AUTS2: variants seen among roughly 807,000 people sequenced by gnomAD.
AUTS2 encodes autism susceptibility gene 2 protein.
In AUTS2, 17 loss-of-function variants were observed where a neutral mutation model predicts 112.4. That is an observed-to-expected ratio of 0.15 (90% confidence interval 0.10 to 0.23). AUTS2 has a LOEUF of 0.23. Ranked by LOEUF, AUTS2 falls within the 10% of genes least tolerant of loss-of-function variation. AUTS2 has a pLI of 1.00. For synonymous variants in AUTS2, 751 were observed against 702.7 expected, an observed-to-expected ratio of 1.07 and a Z score of -1.09; for missense variants, 1,510 against 1,701.6, an observed-to-expected ratio of 0.89 and a Z score of 1.98.
rs1809267743 is a variant in AUTS2 at position 70,698,582 on chromosome 7, G to C, written c.704G>C (p.Ser235Thr). 7 of 1,606,592 alleles carry C rather than the reference G, an allele frequency of 4.4e-6. No individual in the cohort carries two copies. Among genetic ancestry groups the C allele is most frequent in the Non-Finnish European group, 5.9e-6 (7 of 1,176,528 alleles). ...SDQEEKASDA[S>T]SEKLFNTVIV... is the part of the protein sequence containing the mutation. The stretch of plus-strand genomic sequence containing the variant: ...CTTGTTTTTCAGGCATCAGATGCCA[G>C]CTCTGAAAAACTCTTCAACACTGTT... Residue 235 changes from serine (S) to threonine (T), a missense_variant, in exon 6 of 19, where the codon AGC becomes ACC. Around this residue, in one of 3 missense-constraint regions of AUTS2, gnomAD observed 535 missense variants for 594.3 expected, o/e 0.90. Transcript: ENST00000342771.
At chr7:69,604,260 A>G (rs1294058954) in intron 1 of AUTS2, among the ~76,000 whole-genome samples, 1 of 152,228 alleles carries the variant, frequency 6.6e-6, no homozygotes, top group Non-Finnish European at 1.5e-5. Flanking sequence ...CCATGTTAAT[A>G]GGCTCTCACA....
At chr7:69,804,003 G>A (rs1790194693) in intron 1 of AUTS2, among the ~76,000 whole-genome samples, 1 of 152,186 alleles carries the variant, frequency 6.6e-6, no homozygotes, top group African/African-American at 2.4e-5. Context: ...CAGCACTCTA[G>A]CCTGGGTGAC....
intron 1 of AUTS2, among the ~76,000 whole-genome samples, chr7:69,626,403 T>C (rs1371120539): frequency 6.6e-6 from 1 of 152,208 alleles, no homozygotes; most frequent in African/African-American, 2.4e-5. Flanking sequence ...GGTTGCCGTG[T>C]CCACAGTCCC....
chr7:70,395,000 A>G (rs1794019561), intron 4 of AUTS2, among the ~76,000 whole-genome samples: 1 of 152,210 alleles, frequency 6.6e-6, no homozygotes, highest in Non-Finnish European at 1.5e-5. Flanking sequence ...ATATGCTTTC[A>G]TTTAATCATT....
chr7:70,617,136 T>C lies in AUTS2; in HGVS notation c.691-81433T>C, dbSNP rs375242619. Among the ~76,000 whole-genome samples, 5 of 152,288 alleles carry C rather than the reference T, an allele frequency of 3.3e-5. No individual in the cohort carries two copies. In the East Asian group the frequency reaches 7.7e-4, roughly 24 times the overall value. ...GCTCAGTGGGGTAAGGGCCATTGTC[T>C]TCAAGACTTTCTTGGCCTTTCCCTC... On this transcript the variant is annotated intron_variant, in intron 5 of 18. Transcript: ENST00000342771.
intron 5 of AUTS2, among the ~76,000 whole-genome samples, chr7:70,621,504 C>T (rs1031441432): frequency 6.6e-6 from 1 of 152,186 alleles, no homozygotes; most frequent in Non-Finnish European, 1.5e-5. Context: ...GATTAATCCC[C>T]AGTACAATCT....
intron 5 of AUTS2, among the ~76,000 whole-genome samples, chr7:70,450,303 G>A (rs1429799150): frequency 6.6e-6 from 1 of 152,180 alleles, no homozygotes; most frequent in African/African-American, 2.4e-5. Context: ...CGTAGCGTAT[G>A]CTGTTTCTGA....
chr7:70,698,531 A>C, intron 5 of AUTS2, 38 bp from the exon 6 acceptor site: 1 of 1,541,394 alleles, frequency 6.5e-7, no homozygotes, highest in Non-Finnish European at 8.9e-7. Flanking sequence ...AATATTAATG[A>C]CAATAATAAT....
chr7:69,971,094 C>T (rs1249362975), intron 2 of AUTS2, among the ~76,000 whole-genome samples: 1 of 152,160 alleles, frequency 6.6e-6, no homozygotes, highest in Non-Finnish European at 1.5e-5. Flanking sequence ...GGGAGGTTCA[C>T]CTGAGCCTGG....
At chr7:70,671,596 C>T (rs374550144) in intron 5 of AUTS2, among the ~76,000 whole-genome samples, 4 of 152,212 alleles carry the variant, frequency 2.6e-5, no homozygotes, top group Non-Finnish European at 5.9e-5. Flanking sequence ...TTTCAAGGCT[C>T]TGCTTTGCAA....
rs3974412 is a variant in AUTS2 at position 70,757,807 on chromosome 7, C to CTTTTTTTTTTT, written c.743-5048_743-5038dup. On this transcript the variant is annotated intron_variant, in intron 6 of 18. Coordinates refer to ENST00000342771, the MANE Select transcript of AUTS2 (RefSeq NM_015570.4). ...TTTCTTGAGTATTCTTCCATGGCTT[C>CTTTTTTTTTTT]TTTTTTTTTTTTTTTTTTTTTTTTT... Among the ~76,000 whole-genome samples, 4 of 60,540 alleles carry CTTTTTTTTTTT rather than the reference C, an allele frequency of 6.6e-5. 1 individual carries two copies. Among genetic ancestry groups the CTTTTTTTTTTT allele is most frequent in the African/African-American group, 6.3e-5 (1 of 15,908 alleles). The allele number at this position is 60,540 out of a possible 152,430, so 39.7% of individuals were successfully genotyped here.
At chr7:69,749,146 A>G (rs767778604) in intron 1 of AUTS2, among the ~76,000 whole-genome samples, 3 of 152,174 alleles carry the variant, frequency 2.0e-5, no homozygotes, top group Non-Finnish European at 4.4e-5. Context: ...GGCTTAATAA[A>G]TAGTGATGAG....
intron 4 of AUTS2, among the ~76,000 whole-genome samples, chr7:70,163,360 A>AGGGGGGGGG (rs1562753323): frequency 4.1e-4 from 1 of 2,462 alleles, no homozygotes. Context: ...GGGGGGGGGC[A>AGGGGGGGGG]GAGGGGGAGG....
chr7:69,749,170 T>C (rs773229413), intron 1 of AUTS2, among the ~76,000 whole-genome samples: 2 of 152,160 alleles, frequency 1.3e-5, no homozygotes, highest in Non-Finnish European at 2.9e-5. Context: ...GGTAGATTTC[T>C]CTGTGAGGGG....
intron 1 of AUTS2, among the ~76,000 whole-genome samples, chr7:69,862,500 C>G (rs940644520): frequency 2.0e-5 from 3 of 152,122 alleles, no homozygotes; most frequent in African/African-American, 7.2e-5. Context: ...AGGTAAGTGT[C>G]CCTGTAGGAT....
chr7:70,016,344 T>G (rs1800026135), intron 2 of AUTS2, among the ~76,000 whole-genome samples: 1 of 152,202 alleles, frequency 6.6e-6, no homozygotes, highest in African/African-American at 2.4e-5. Context: ...TTTCACTATT[T>G]CCTTCTGTAG....
intron 5 of AUTS2, among the ~76,000 whole-genome samples, chr7:70,506,278 G>A (rs563742031): frequency 1.7e-4 from 26 of 152,338 alleles, no homozygotes; most frequent in African/African-American, 6.3e-4. Flanking sequence ...CAGCAGTAGC[G>A]AGGGCAATGC....
At chr7:70,486,448 G>A (rs1163294229) in intron 5 of AUTS2, among the ~76,000 whole-genome samples, 2 of 152,200 alleles carry the variant, frequency 1.3e-5, no homozygotes, top group African/African-American at 2.4e-5. Flanking sequence ...AATGTTAGTT[G>A]TTGTTTGGCC....
intron 5 of AUTS2, among the ~76,000 whole-genome samples, chr7:70,651,694 A>G (rs1210396737): frequency 6.6e-6 from 1 of 152,242 alleles, no homozygotes; most frequent in Non-Finnish European, 1.5e-5. Context: ...TCATACCAGC[A>G]TAAAGTCGAA....
Sources: gnomAD v4.1 joint callset for allele counts (sites outside exome capture counted in the v4.1 genomes callset) on GRCh38, gnomAD v4.1.1 for gene constraint, gnomAD v4.1.1 regional missense constraint, MANE v1.5 for transcripts, NCBI Gene and HGNC (gene_info 2026-07-23, HGNC 2026-07-21) for gene names.